LINGO2: variants seen among roughly 807,000 people sequenced by gnomAD.
LINGO2 encodes leucine rich repeat and Ig domain containing 2.
LINGO2 carries 14 observed loss-of-function variants against 30.6 expected under a neutral mutation model. The observed-to-expected ratio is 0.46, with a 90% confidence interval of 0.30 to 0.72. LINGO2 has a LOEUF of 0.72. Ranked by LOEUF, LINGO2 falls within the 30% of genes least tolerant of loss-of-function variation. The probability of loss-of-function intolerance (pLI) is 0.07; values close to 1 mark genes in which losing one functional copy is unlikely to be tolerated. For missense variants in LINGO2, 729 were observed against 751.7 expected (o/e 0.97, Z 0.35); for synonymous variants, 317 against 288.5 (o/e 1.10, Z -1.00).
At chr9:28,566,932 G>A (rs933945222) in intron 1 of LINGO2, among the ~76,000 whole-genome samples, 2 of 152,172 alleles carry the variant, frequency 1.3e-5, no homozygotes, top group African/African-American at 4.8e-5. Flanking sequence ...AACTACAGTA[G>A]TGCAAAACCA....
the LINGO2 span, among the ~76,000 whole-genome samples, chr9:28,957,255 A>G: frequency 1.2e-4 from 18 of 152,190 alleles, no homozygotes; most frequent in Admixed American, 1.2e-3. Flanking sequence ...AATGAGCACA[A>G]GAGGAAATTT....
chr9:28,812,469 T>C, the LINGO2 span, among the ~76,000 whole-genome samples: 1 of 152,188 alleles, frequency 6.6e-6, no homozygotes. Context: ...CCTGAGAAAT[T>C]CAGGTTTTCA....
rs1419291236 is a variant in LINGO2, at chr9:28,561,524, T to A, written c.-364-85499A>T. ...CCTTATATTTATTTTAAATATTTTA[T>A]ATCTATGCTACTTATACATCAGTAA... On this transcript the variant is annotated intron_variant, in intron 1 of 5. Transcript: ENST00000379992. 5.4e-5 allele frequency among the ~76,000 whole-genome samples: 8 copies of A among 148,160 alleles called. No individual in the cohort carries two copies. The East Asian group carries it at 1.6e-3, about 29-fold the overall frequency.
At position 28,486,457 on chromosome 9, in the gene LINGO2, T is replaced by A. The variant is rs375664920; in HGVS notation, c.-364-10432A>T. ...TTATTTAGAGAAAAAAAAATGTTTATTCCAATGAAGATATTGTCTCCTGGA... is the reference window on the plus strand; with the variant it reads ...TTATTTAGAGAAAAAAAAATGTTTAATCCAATGAAGATATTGTCTCCTGGA... On this transcript the variant is annotated intron_variant, in intron 1 of 5. Transcript: ENST00000379992. Among the ~76,000 whole-genome samples, 36 of 152,278 alleles carry A rather than the reference T, an allele frequency of 2.4e-4. No homozygotes were observed. In the East Asian group the frequency reaches 6.0e-3, roughly 25 times the overall value.
At position 28,148,100 on chromosome 9, in the gene LINGO2, G is replaced by A. The variant is rs1839963; in HGVS notation, c.-86-135695C>T. ...CTTCCCAGCTGGCCGGGCTAACCCC[G>A]CGGCTCCTGCACCTGTGCCTGCCCG... On this transcript the variant is annotated intron_variant, in intron 4 of 5. Coordinates refer to ENST00000379992, the Ensembl canonical transcript of LINGO2. The surrounding 1 kb of genome is among the most constrained non-coding windows in gnomAD (Gnocchi z 5.1). 0.071 allele frequency: 78,555 copies of A among 1,102,562 alleles called. 3,242 individuals are homozygous for A. The highest frequency in any genetic ancestry group is 0.19 in the East Asian group (3,465 of 18,656). The allele number at this position is 1,102,562 out of a possible 1,614,324, so 68.3% of individuals were successfully genotyped here. A position where few individuals can be genotyped will look rare whatever the true frequency, so the allele number is the denominator to read the frequency against.
the LINGO2 span, among the ~76,000 whole-genome samples, chr9:28,986,222 G>T: frequency 6.6e-6 from 1 of 152,018 alleles, no homozygotes; most frequent in Non-Finnish European, 1.5e-5. Context: ...TGATGTGTGT[G>T]TGTGTGTTTA....
chr9:28,746,324 A>G, the LINGO2 span, among the ~76,000 whole-genome samples: 5 of 152,198 alleles, frequency 3.3e-5, 1 homozygote, highest in African/African-American at 1.2e-4. Flanking sequence ...AAATAAAATT[A>G]CTTGACACGC....
chr9:28,866,258 G>A, the LINGO2 span, among the ~76,000 whole-genome samples: 1 of 152,048 alleles, frequency 6.6e-6, no homozygotes, highest in Non-Finnish European at 1.5e-5. Flanking sequence ...TTCAAAAATA[G>A]GCAGTTATTT....
At chr9:29,190,026 G>GGGGA in the LINGO2 span, among the ~76,000 whole-genome samples, 1 of 146,192 alleles carries the variant, frequency 6.8e-6, no homozygotes, top group Non-Finnish European at 1.5e-5. Context: ...GGGAGACCGT[G>GGGGA]GGGAGGGAGG....
intron 4 of LINGO2, among the ~76,000 whole-genome samples, chr9:28,095,982 G>T (rs567193325): frequency 1.3e-5 from 2 of 152,144 alleles, no homozygotes; most frequent in East Asian, 1.9e-4. Flanking sequence ...TCTACAAAAA[G>T]ATTAAGACAT....
chr9:28,411,915 C>A (rs2134818843), intron 2 of LINGO2, among the ~76,000 whole-genome samples: 1 of 152,106 alleles, frequency 6.6e-6, no homozygotes, highest in South Asian at 2.1e-4. Context: ...TCTTCAAGTT[C>A]TTGCCAAAAC....
the LINGO2 span, among the ~76,000 whole-genome samples, chr9:28,704,436 C>T: frequency 2.7e-5 from 4 of 150,876 alleles, no homozygotes; most frequent in Non-Finnish European, 5.9e-5. Context: ...GTTCTGTGTT[C>T]CGTGTGCTTC....
At chr9:28,907,155 C>T in the LINGO2 span, among the ~76,000 whole-genome samples, 4 of 151,744 alleles carry the variant, frequency 2.6e-5, no homozygotes, top group South Asian at 8.3e-4. Flanking sequence ...TCATGGTAAT[C>T]AGACCTGTAA....
chr9:28,518,184 G>A (rs1029396593), intron 1 of LINGO2, among the ~76,000 whole-genome samples: 1 of 152,126 alleles, frequency 6.6e-6, no homozygotes, highest in Admixed American at 6.5e-5. Context: ...TTTTAAAAAT[G>A]AGAAAATGAA....
At chr9:28,946,692 T>G in the LINGO2 span, among the ~76,000 whole-genome samples, 1 of 151,946 alleles carries the variant, frequency 6.6e-6, no homozygotes, top group Admixed American at 6.6e-5. Context: ...GCTTTCTTTT[T>G]CCCCCCATTA....
At chr9:28,772,960 C>T in the LINGO2 span, among the ~76,000 whole-genome samples, 6 of 152,130 alleles carry the variant, frequency 3.9e-5, no homozygotes, top group Non-Finnish European at 7.3e-5. Flanking sequence ...TAAACTCATT[C>T]CATAGTATCA....
chr9:28,488,233 C>A lies in LINGO2; in HGVS notation c.-364-12208G>T, dbSNP rs185597162. 8.0e-3 allele frequency among the ~76,000 whole-genome samples: 1,213 copies of A among 152,126 alleles called. 14 individuals carry two copies. Among genetic ancestry groups the A allele is most frequent in the African/African-American group, 0.027 (1,128 of 41,556 alleles). On this transcript the variant is annotated intron_variant, in intron 1 of 5. Coordinates refer to ENST00000379992, the Ensembl canonical transcript of LINGO2. ...GGTTTCTGTGCTTTTTAATGTTTGG[C>A]AAATATTTGAGAGTGCCTGCAGAAC...
intron 4 of LINGO2, among the ~76,000 whole-genome samples, chr9:28,187,207 A>G (rs1819571478): frequency 2.6e-5 from 4 of 152,124 alleles, no homozygotes; most frequent in South Asian, 2.1e-4. Flanking sequence ...AAGATTCACT[A>G]AGGCCAGGCG....
chr9:28,916,057 T>G, the LINGO2 span, among the ~76,000 whole-genome samples: 1 of 152,140 alleles, frequency 6.6e-6, no homozygotes, highest in Non-Finnish European at 1.5e-5. Flanking sequence ...CAGGCCATGG[T>G]GCAAATGGGT....
Sources: allele counts gnomAD v4.1 joint callset (sites outside exome capture counted in the v4.1 genomes callset), GRCh38; gene constraint gnomAD v4.1.1; non-coding constraint Gnocchi (gnomAD v3.1); transcripts MANE v1.5; gene names NCBI Gene and HGNC (gene_info 2026-07-23, HGNC 2026-07-21).